The following DMGDH variants were observed in gnomAD, a reference collection of about 807,000 sequenced individuals.
DMGDH encodes dimethylglycine dehydrogenase, mitochondrial.
A neutral mutation model predicts 95.2 loss-of-function variants in DMGDH; 76 were observed. The observed-to-expected ratio is 0.80, with a 90% CI of 0.66 to 0.97. DMGDH has a LOEUF of 0.97. Among genes scored for constraint, DMGDH ranks in the 50% least tolerant of loss-of-function variants. DMGDH has a pLI of 0.00. For synonymous variants in DMGDH, 345 were observed against 377.6 expected, an observed-to-expected ratio of 0.91 and a Z score of 1.00; for missense variants, 987 against 1,055.0, an observed-to-expected ratio of 0.94 and a Z score of 0.89.
rs558602322 is a variant in DMGDH, at chr5:79,025,209, G to C, written c.2191-879C>G. Among the ~76,000 whole-genome samples, 27 of 152,324 alleles carry C rather than the reference G, an allele frequency of 1.8e-4. No individual in the cohort carries two copies. The South Asian group carries it at 3.7e-3, about 21-fold the overall frequency. On this transcript the variant is annotated intron_variant, in intron 13 of 15. Transcript: ENST00000255189. ...TCGGAGGGACGGGAGAAGGAGAAAAGCTCTCCAGAGGAGGTCGCCGGGAGA... is the reference window on the plus strand; with the variant it reads ...TCGGAGGGACGGGAGAAGGAGAAAACCTCTCCAGAGGAGGTCGCCGGGAGA...
intron 15 of DMGDH, among the ~76,000 whole-genome samples, chr5:79,004,785 C>A (rs1481469024): frequency 6.6e-6 from 1 of 152,228 alleles, no homozygotes; most frequent in East Asian, 1.9e-4. Context: ...CCTGAAGAAC[C>A]AAATGGTTTC....
At position 79,000,390 on chromosome 5, in the gene DMGDH, G is replaced by T. The variant is rs184297272; in HGVS notation, c.2386-2093C>A. On this transcript the variant is annotated intron_variant, in intron 15 of 15. Transcript: ENST00000255189. ...CTCTGTAGGCATAGATGCTGTGGGT[G>T]GTACTAGCTATTTTCTTATTCTCAT... 3.8e-4 allele frequency: 245 copies of T among 640,124 alleles called. No homozygotes were observed. The African/African-American group carries it at 4.2e-3, about 11-fold the overall frequency. The allele number at this position is 640,124 out of a possible 1,614,324, so 39.7% of individuals were successfully genotyped here.
At chr5:79,000,368 T>C (rs1753433131) in intron 15 of DMGDH, 2 of 648,980 alleles carry the variant, frequency 3.1e-6, no homozygotes, top group Admixed American at 1.8e-5. Flanking sequence ...CAATATACTC[T>C]GTAGGCATAG....
intron 9 of DMGDH, among the ~76,000 whole-genome samples, chr5:79,031,337 T>A (rs746238248): frequency 4.6e-5 from 7 of 152,228 alleles, no homozygotes; most frequent in Non-Finnish European, 1.0e-4. Context: ...TAGACGCATA[T>A]TAGAATCATC....
Position 79,032,876 on chromosome 5 carries a change from A to T in DMGDH, c.1364-36T>A. The T allele has an allele frequency of 3.7e-6, 6 of 1,611,990 alleles. No homozygotes were observed. In the South Asian group the frequency reaches 5.5e-5, roughly 15 times the overall value. On this transcript the variant is annotated intron_variant, in intron 8 of 15. Coordinates refer to ENST00000255189, the MANE Select transcript of DMGDH (RefSeq NM_013391.3). ...AAAATTGGTACTTTAAATCACATAT[A>T]GCCAAAACAACAAGATACTTACATG... is the stretch of plus-strand genomic sequence containing the variant.
intron 11 of DMGDH, among the ~76,000 whole-genome samples, chr5:79,029,228 C>T (rs989283988): frequency 1.3e-5 from 2 of 152,134 alleles, no homozygotes; most frequent in Admixed American, 6.5e-5. Context: ...TGGATTTACA[C>T]AAAGCTAAGC....
chr5:79,056,966 C>T (rs914179959), intron 2 of DMGDH, among the ~76,000 whole-genome samples: 1 of 152,244 alleles, frequency 6.6e-6, no homozygotes, highest in Non-Finnish European at 1.5e-5. Context: ...ACAGGATCTT[C>T]TTTGACCCAG....
intron 9 of DMGDH, 77 bp from the exon 10 acceptor site, chr5:79,031,075 GC>G: frequency 6.6e-7 from 1 of 1,517,158 alleles, no homozygotes; most frequent in South Asian, 1.2e-5. Flanking sequence ...ATTTTAATAA[GC>G]CCTACTCATC....
At chr5:79,042,080 T>C (rs1197434807) in intron 7 of DMGDH, among the ~76,000 whole-genome samples, 1 of 152,212 alleles carries the variant, frequency 6.6e-6, no homozygotes, top group Non-Finnish European at 1.5e-5. Context: ...TTAAAACATA[T>C]ACAAGTGATT....
In DMGDH at chr5:78,998,224, A is replaced by G. The variant is rs1237327637; in HGVS notation, c.2459T>C (p.Val820Ala). The change falls in exon 16 of 16, where the codon GTA (valine) becomes GCA (alanine). Residue 820 changes from valine (V) to alanine (A), a missense_variant. Val to Ala is a moderately conservative substitution (Grantham distance 64). Coordinates refer to ENST00000255189, the MANE Select transcript of DMGDH (RefSeq NM_013391.3). ...QKSLAFAYVP[V>A]QLSEVGQQVE... is the part of the protein sequence containing the mutation. ...TTGCTGTCCCACTTCACTTAGTTGT[A>G]CAGGGACATATGCGAAAGCCAGACT... The G allele has an allele frequency of 6.2e-7, 1 of 1,614,112 alleles. No homozygotes were observed. The highest frequency in any genetic ancestry group is 8.5e-7 in the Non-Finnish European group (1 of 1,180,044).
At chr5:79,004,276 T>C (rs1753506089) in intron 15 of DMGDH, among the ~76,000 whole-genome samples, 1 of 152,214 alleles carries the variant, frequency 6.6e-6, no homozygotes, top group African/African-American at 2.4e-5. Flanking sequence ...AGATGTTAGT[T>C]CTTTGTCAAA....
intron 15 of DMGDH, among the ~76,000 whole-genome samples, chr5:78,999,321 T>TTC: frequency 6.6e-6 from 1 of 152,110 alleles, no homozygotes; most frequent in South Asian, 2.1e-4. Context: ...TCCATATGAT[T>TTC]TCTCTCTCTC....
chr5:79,064,912 G>A (rs80288773), intron 1 of DMGDH, among the ~76,000 whole-genome samples: 3 of 152,106 alleles, frequency 2.0e-5, no homozygotes, highest in African/African-American at 7.2e-5. Context: ...ACCACACCCA[G>A]CTAATTTTTG....
chr5:79,069,568 G>T lies in DMGDH; in HGVS notation c.53C>A (p.Pro18Gln), dbSNP rs979065177. The change falls in exon 1 of 16, where the codon CCG becomes CAG. Residue 18 changes from proline to glutamine, a missense_variant. Physicochemically the swap from Pro to Gln is moderately conservative, Grantham distance 76. Transcript: ENST00000255189. The part of the protein sequence containing the change: ...LLRGLLLRSC[P>Q]LQGSPGRPRS... Reference sequence around the variant, plus strand: ...CGGGCGCCCGGGGGAGCCCTGCAGCGGGCAGCTCCGCAGCAGGAGGCCCCG... The same window carrying T: ...CGGGCGCCCGGGGGAGCCCTGCAGCTGGCAGCTCCGCAGCAGGAGGCCCCG... 6 of 1,347,476 alleles carry T rather than the reference G, an allele frequency of 4.5e-6. No individual in the cohort carries two copies. Among genetic ancestry groups the T allele is most frequent in the South Asian group, 3.9e-5 (2 of 51,720 alleles). 83.5% of individuals were successfully genotyped at this position (1,347,476 alleles called of 1,614,324 possible).
chr5:78,999,599 C>T (rs754259056), intron 15 of DMGDH, among the ~76,000 whole-genome samples: 27 of 152,210 alleles, frequency 1.8e-4, no homozygotes, highest in Non-Finnish European at 2.9e-4. Flanking sequence ...TCCCAAAGTG[C>T]TGGGATTACA....
intron 5 of DMGDH, among the ~76,000 whole-genome samples, chr5:79,046,536 T>A (rs1463465183): frequency 6.6e-6 from 1 of 152,132 alleles, no homozygotes; most frequent in Non-Finnish European, 1.5e-5. Flanking sequence ...TATAGGCACA[T>A]ATCACCATGC....
At chr5:79,028,308 G>GT in intron 12 of DMGDH, 125 bp downstream of exon 12, 1 of 804,022 alleles carries the variant, frequency 1.2e-6, no homozygotes, top group East Asian at 2.7e-5. Context: ...AAAAGTGAGT[G>GT]TGAGTGTGCA....
At chr5:79,049,347 G>T (rs1439040695) in intron 5 of DMGDH, among the ~76,000 whole-genome samples, 1 of 152,192 alleles carries the variant, frequency 6.6e-6, no homozygotes, top group Non-Finnish European at 1.5e-5. Context: ...ATGCATAAAT[G>T]TGTTAAATTA....
chr5:79,006,765 A>G (rs546885179), intron 14 of DMGDH, among the ~76,000 whole-genome samples: 2 of 152,248 alleles, frequency 1.3e-5, no homozygotes, highest in Admixed American at 6.5e-5. Flanking sequence ...CTGCACTTGA[A>G]ACATTTAGGA....
Sources: gnomAD v4.1 joint callset for allele counts (sites outside exome capture counted in the v4.1 genomes callset) on GRCh38, gnomAD v4.1.1 for gene constraint, MANE v1.5 for transcripts, NCBI Gene and HGNC (gene_info 2026-07-23, HGNC 2026-07-21) for gene names.